The following MYCBP2 variants were observed in gnomAD, a reference collection of about 807,000 sequenced individuals.
MYCBP2 encodes MYC binding protein 2, also known as E3 ubiquitin-protein ligase MYCBP2.
MYCBP2 carries 120 observed loss-of-function variants against 525.3 expected under a neutral mutation model. That is an observed-to-expected ratio of 0.23 (90% CI 0.20 to 0.27). The LOEUF (loss-of-function observed/expected upper bound fraction) is 0.27, where lower values mean the gene tolerates loss of function less well. Ranked by LOEUF, MYCBP2 falls within the 10% of genes least tolerant of loss-of-function variation. The pLI is 1.00. For synonymous variants in MYCBP2, 1,894 were observed against 1,955.8 expected (o/e 0.97, Z 0.83); for missense variants, 4,149 against 5,657.1 (o/e 0.73, Z 8.55).
intron 14 of MYCBP2, among the ~76,000 whole-genome samples, chr13:77,254,420 A>G (rs921001369): frequency 3.3e-5 from 5 of 151,822 alleles, no homozygotes; most frequent in African/African-American, 7.2e-5. Flanking sequence ...GTAGAGACAC[A>G]ATTTTTTAAT....
At chr13:77,313,603 T>G (rs2080540832) in intron 1 of MYCBP2, among the ~76,000 whole-genome samples, 3 of 151,960 alleles carry the variant, frequency 2.0e-5, no homozygotes, top group African/African-American at 7.2e-5. Flanking sequence ...ATTAAAGAAA[T>G]AATTAATAAG....
chr13:77,313,930 G>T (rs2154377839), intron 1 of MYCBP2, among the ~76,000 whole-genome samples: 1 of 150,788 alleles, frequency 6.6e-6, no homozygotes, highest in East Asian at 1.9e-4. Flanking sequence ...TATGTCATCA[G>T]AGAAATGAAA....
At chr13:77,250,386 G>T (rs1047581186) in intron 15 of MYCBP2, among the ~76,000 whole-genome samples, 1 of 152,168 alleles carries the variant, frequency 6.6e-6, no homozygotes, top group Admixed American at 6.6e-5. Context: ...AAAGAGGAAG[G>T]TCAAGAGGCA....
intron 20 of MYCBP2, among the ~76,000 whole-genome samples, chr13:77,220,594 CTT>C (rs2042711343): frequency 2.0e-5 from 3 of 152,158 alleles, no homozygotes; most frequent in African/African-American, 7.2e-5. Context: ...GTTAACAGCT[CTT>C]GATTACTAGA....
Position 77,261,385 on chromosome 13 carries a change from T to A in MYCBP2, c.1648-10A>T, listed in dbSNP as rs1450676132. 1.3e-5 allele frequency: 16 copies of A among 1,258,864 alleles called. No homozygotes were observed. Among genetic ancestry groups the A allele is most frequent in the Admixed American group, 4.7e-5 (2 of 42,934 alleles). The allele number at this position is 1,258,864 out of a possible 1,614,324, so 78.0% of individuals were successfully genotyped here. A position where few individuals can be genotyped will look rare whatever the true frequency, so the allele number is the denominator to read the frequency against. On this transcript the variant is annotated splice_polypyrimidine_tract_variant and intron_variant, in intron 11 of 82. Transcript: ENST00000544440. ...TGCCAGTGTAATATATCTTATGTAT[T>A]AAAAAAAAAAAGGAATTATGGTACT... is the stretch of plus-strand genomic sequence containing the variant.
intron 69 of MYCBP2, 86 bp from the exon 70 acceptor site, chr13:77,068,917 G>A: frequency 7.7e-7 from 1 of 1,306,246 alleles, no homozygotes; most frequent in South Asian, 1.4e-5. Flanking sequence ...AAAAGAATAA[G>A]ACAAGAATGT....
chr13:77,279,007 G>T (rs2075913738), intron 3 of MYCBP2, 96 bp from the exon 4 acceptor site: 2 of 774,734 alleles, frequency 2.6e-6, no homozygotes, highest in Non-Finnish European at 3.7e-6. Flanking sequence ...CACAGCAAAT[G>T]ATAATGTATA....
intron 73 of MYCBP2, 49 bp downstream of exon 73, chr13:77,064,566 C>G (rs1257115236): frequency 1.3e-6 from 2 of 1,531,098 alleles, no homozygotes; most frequent in Non-Finnish European, 1.8e-6. Flanking sequence ...AAAGAACACG[C>G]AATGATACAC....
intron 79 of MYCBP2, 98 bp from the exon 80 acceptor site, chr13:77,055,865 T>G: frequency 1.3e-6 from 1 of 769,172 alleles, no homozygotes; most frequent in Non-Finnish European, 2.1e-6. Context: ...TGCTAGAAGA[T>G]AACCAGACAG....
chr13:77,051,678 T>C, intron 81 of MYCBP2, 133 bp downstream of exon 81: 1 of 571,360 alleles, frequency 1.8e-6, no homozygotes, highest in Non-Finnish European at 3.0e-6. Context: ...TGTGAAAAAT[T>C]ATACAACACT....
intron 1 of MYCBP2, among the ~76,000 whole-genome samples, 172 bp from the exon 2 acceptor site, chr13:77,296,846 G>A (rs2078242366): frequency 6.6e-6 from 1 of 152,032 alleles, no homozygotes; most frequent in Non-Finnish European, 1.5e-5. Flanking sequence ...ATATAAAGTA[G>A]CTATTGAGAA....
intron 62 of MYCBP2, among the ~76,000 whole-genome samples, chr13:77,086,947 GT>G (rs2044405385): frequency 6.6e-6 from 1 of 151,852 alleles, no homozygotes; most frequent in East Asian, 1.9e-4. Flanking sequence ...ATATTTTAAA[GT>G]TTCTCTTTTA....
At chr13:77,269,896 T>C in intron 7 of MYCBP2, 96 bp downstream of exon 7, 1 of 922,336 alleles carries the variant, frequency 1.1e-6, no homozygotes, top group East Asian at 2.4e-5. Context: ...TATTATCATT[T>C]CTGTTTAAAT....
At chr13:77,183,545 T>TTC (rs1555389985) in intron 32 of MYCBP2, among the ~76,000 whole-genome samples, 14 of 105,710 alleles carry the variant, frequency 1.3e-4, no homozygotes, top group African/African-American at 4.8e-4. Context: ...CTATTTCTTT[T>TTC]TTTTTTTTTT....
Position 77,102,053 on chromosome 13 carries a change from G to C in MYCBP2, c.8141-3040C>G, listed in dbSNP as rs149442845. Reference sequence around the variant, plus strand: ...AAACCTGAAGAAATAATAATGACAGGATAGAAACTTAGGGCAAGCAAGTTA... The same window carrying C: ...AAACCTGAAGAAATAATAATGACAGCATAGAAACTTAGGGCAAGCAAGTTA... On this transcript the variant is annotated intron_variant, in intron 55 of 82. Transcript: ENST00000544440. Among the ~76,000 whole-genome samples the C allele has an allele frequency of 1.4e-4, 21 of 151,884 alleles. No individual in the cohort carries two copies. The East Asian group carries it at 4.1e-3, about 29-fold the overall frequency.
At chr13:77,164,426 A>G (rs1390893588) in intron 43 of MYCBP2, 28 bp downstream of exon 43, 1 of 1,489,728 alleles carries the variant, frequency 6.7e-7, no homozygotes, top group Non-Finnish European at 9.3e-7. Flanking sequence ...AACCCTATCA[A>G]AAAACATCCA....
chr13:77,325,221 C>G (rs917878089), intron 1 of MYCBP2, among the ~76,000 whole-genome samples: 1 of 152,238 alleles, frequency 6.6e-6, no homozygotes, highest in South Asian at 2.1e-4. Context: ...CTTACAGCCT[C>G]GTCCCTTTCA....
rs762949720 is a variant in MYCBP2 at position 77,098,583 on chromosome 13, A to G, written c.8571T>C (p.Pro2857=). The change falls in exon 56 of 83, where the codon CCT becomes CCC. Residue 2857 remains proline, a synonymous_variant. Coordinates refer to ENST00000544440, the MANE Select transcript of MYCBP2 (RefSeq NM_015057.5). ...GAGGAGGATCAAGCTTTGTCTTAAC[A>G]GGAGCAGTACTTTTTTGAGGTAGAT... ...DKNLPQKSTA[P]VKTKLDPPRE... is the part of the protein sequence containing the mutation. The G allele has an allele frequency of 1.2e-6, 2 of 1,613,684 alleles. No individual in the cohort carries two copies. Among genetic ancestry groups the G allele is most frequent in the Non-Finnish European group, 1.7e-6 (2 of 1,179,820 alleles).
At chr13:77,260,172 C>T (rs1415042532) in intron 13 of MYCBP2, among the ~76,000 whole-genome samples, 8 of 152,226 alleles carry the variant, frequency 5.3e-5, no homozygotes, top group African/African-American at 1.7e-4. Context: ...CTAGGGAAAA[C>T]ATCCACAGAA....
Sources: allele counts gnomAD v4.1 joint callset (sites outside exome capture counted in the v4.1 genomes callset), GRCh38; gene constraint gnomAD v4.1.1; transcripts MANE v1.5; gene names NCBI Gene and HGNC (gene_info 2026-07-23, HGNC 2026-07-21).